The following CPT1C variants were observed in gnomAD, a reference collection of about 807,000 sequenced individuals.
CPT1C encodes the protein palmitoyl thioesterase CPT1C.
CPT1C carries 61 observed loss-of-function variants against 97.3 expected under a neutral mutation model. The ratio of observed to expected loss-of-function variants is 0.63; its 90% CI spans 0.51 to 0.78. CPT1C has a LOEUF of 0.78. Ranked by LOEUF, CPT1C falls within the 30% of genes least tolerant of loss-of-function variation. The probability of loss-of-function intolerance (pLI) is 0.00; values close to 1 mark genes in which losing one functional copy is unlikely to be tolerated. For missense variants in CPT1C, 975 were observed against 1,065.5 expected, an observed-to-expected ratio of 0.92 and a Z score of 1.18; for synonymous variants, 469 against 447.2, an observed-to-expected ratio of 1.05 and a Z score of -0.61.
rs139912875 is a variant in CPT1C, at chr19:49,706,816, C to T, written c.1343+403C>T. ...GAACTTGAACCATTCAATCCTCAGG[C>T]CTTAATGCAGGCACCCCAAATCCAT... On this transcript the variant is annotated intron_variant, in intron 12 of 19. Transcript: ENST00000598293. This position sits in a 1 kb window ranked among gnomAD's most constrained non-coding sequence, Gnocchi z 4.8. Among the ~76,000 whole-genome samples, 1 of 152,118 alleles carries T rather than the reference C, an allele frequency of 6.6e-6. No homozygotes were observed. Among genetic ancestry groups the T allele is most frequent in the African/African-American group, 2.4e-5 (1 of 41,424 alleles).
At chr19:49,701,182 T>G in intron 5 of CPT1C, 135 bp from the exon 6 acceptor site, 2 of 602,716 alleles carry the variant, frequency 3.3e-6, no homozygotes, top group East Asian at 3.0e-5. Context: ...CTCTGTTCCT[T>G]TCTCTCTTGG....
In CPT1C at chr19:49,700,786, G is replaced by C. The variant is rs144355056; in HGVS notation, c.384G>C (p.Leu128=). 1.2e-6 allele frequency: 2 copies of C among 1,613,264 alleles called. No individual in the cohort carries two copies. The highest frequency in any genetic ancestry group is 2.7e-5 in the African/African-American group (2 of 74,934). Residue 128 remains leucine, a synonymous_variant, in exon 5 of 20, where the codon CTG becomes CTC. Transcript: ENST00000598293. ...TCACACTGCACGTGGCCCTGAGGCT[G>C]CTTCTGTCCTACCACGGCTGGCTTC... ...LIFTLHVALR[L]LLSYHGWLLE...
chr19:49,712,678 G>T (rs553967969), intron 17 of CPT1C, 58 bp from the exon 18 acceptor site: 5 of 1,312,966 alleles, frequency 3.8e-6, no homozygotes, highest in Non-Finnish European at 5.5e-6. Flanking sequence ...GTGAAGTGGA[G>T]CCAAGGGCCG....
Position 49,710,800 on chromosome 19 carries a change from G to A in CPT1C, c.1809G>A (p.Arg603=). The A allele has an allele frequency of 6.2e-7, 1 of 1,614,082 alleles. No individual in the cohort carries two copies. Among genetic ancestry groups the A allele is most frequent in the South Asian group, 1.1e-5 (1 of 91,088 alleles). ...TGGAAGGCCGGACGGAGACGGTGCGGTCTTGCACGAGGGAGGCCTGCAACT... is the reference window on the plus strand; with the variant it reads ...TGGAAGGCCGGACGGAGACGGTGCGATCTTGCACGAGGGAGGCCTGCAACT... The part of the protein sequence containing the change: ...LFLEGRTETV[R]SCTREACNFV... The change falls in exon 16 of 20, where the codon CGG becomes CGA. Residue 603 remains arginine, a synonymous_variant. Coordinates refer to ENST00000598293, the MANE Select transcript of CPT1C (RefSeq NM_001199753.2).
At chr19:49,708,936 C>A (rs2083673910) in intron 14 of CPT1C, 97 bp downstream of exon 14, 1 of 764,340 alleles carries the variant, frequency 1.3e-6, no homozygotes, top group Non-Finnish European at 2.2e-6. Flanking sequence ...GAAAATCAAC[C>A]CCATTCCTAC....
rs1429813435 is a variant in CPT1C, at chr19:49,712,828, C to T, written c.2112C>T (p.Ser704=). The part of the protein sequence containing the change: ...FDVHNYPDYV[S]SGGGFGPADD... ...TCCACAATTACCCGGACTATGTTTC[C>T]TCAGGCGGTGGATTCGGGCCTGTGA... The change falls in exon 18 of 20, where the codon TCC becomes TCT. Residue 704 remains serine, a synonymous_variant. Coordinates refer to ENST00000598293, the MANE Select transcript of CPT1C (RefSeq NM_001199753.2). 12 of 1,608,142 alleles carry T rather than the reference C, an allele frequency of 7.5e-6. No homozygotes were observed. The highest frequency in any genetic ancestry group is 1.0e-5 in the Non-Finnish European group (12 of 1,178,856).
At chr19:49,694,170 G>A (rs897253393) in intron 3 of CPT1C, among the ~76,000 whole-genome samples, 4 of 151,962 alleles carry the variant, frequency 2.6e-5, no homozygotes, top group Non-Finnish European at 4.4e-5. Flanking sequence ...TCGAGTTGGG[G>A]GAGAAGGCAA....
chr19:49,706,264 G>C lies in CPT1C; in HGVS notation c.1194G>C (p.Lys398Asn), dbSNP rs1445732470. ...GTWAQVRTSL[K>N]TQAAEALEAV... The stretch of plus-strand genomic sequence containing the variant: ...GGGCCCAGGTGCGGACATCCCTGAA[G>C]ACCCAGGCAGCGGAGGCCCTGGAGG... Residue 398 changes from lysine (K) to asparagine (N), a missense_variant, in exon 12 of 20, where the codon AAG becomes AAC. This residue lies in a region of CPT1C where 596 missense variants were observed against 603.1 expected (regional missense o/e 0.99). Transcript: ENST00000598293. The surrounding 1 kb of genome is among the most constrained non-coding windows in gnomAD (Gnocchi z 4.8). The C allele has an allele frequency of 3.2e-6, 5 of 1,541,058 alleles. No homozygotes were observed. In the East Asian group the frequency reaches 1.2e-4, roughly 36 times the overall value.
At chr19:49,712,888 G>C (rs377620858) in intron 18 of CPT1C, 39 bp downstream of exon 18, 2 of 1,595,824 alleles carry the variant, frequency 1.3e-6, no homozygotes, top group South Asian at 1.1e-5. Context: ...AGAGGAAAGA[G>C]GGGGCTGGGG....
Position 49,710,794 on chromosome 19 carries a change from G to A in CPT1C, c.1803G>A (p.Thr601=), listed in dbSNP as rs367578193. 393 of 1,613,938 alleles carry A rather than the reference G, an allele frequency of 2.4e-4. No individual in the cohort carries two copies. The highest frequency in any genetic ancestry group is 3.1e-4 in the Non-Finnish European group (368 of 1,179,964). Residue 601 remains threonine (T), a synonymous_variant, in exon 16 of 20, where the codon ACG becomes ACA. Transcript: ENST00000598293. ...TATTCCTGGAAGGCCGGACGGAGAC[G>A]GTGCGGTCTTGCACGAGGGAGGCCT... The part of the protein sequence containing the change: ...TRLFLEGRTE[T]VRSCTREACN...
intron 2 of CPT1C, 106 bp from the exon 3 acceptor site, chr19:49,692,133 G>A: frequency 8.0e-7 from 1 of 1,244,012 alleles, no homozygotes. Flanking sequence ...GAGGGACTGG[G>A]GCCTGGACTC....
Position 49,706,668 on chromosome 19 carries a change from C to T in CPT1C, c.1343+255C>T, listed in dbSNP as rs2123427174. On this transcript the variant is annotated intron_variant, in intron 12 of 19. Transcript: ENST00000598293. The surrounding 1 kb of genome is among the most constrained non-coding windows in gnomAD (Gnocchi z 4.8). ...ACCCCCAAATCTGAGACTCCCAAAC[C>T]CCTGAGCTGGACCCTCCGACCCAGA... Among the ~76,000 whole-genome samples the T allele has an allele frequency of 6.6e-6, 1 of 152,202 alleles. No homozygotes were observed. Among genetic ancestry groups the T allele is most frequent in the African/African-American group, 2.4e-5 (1 of 41,518 alleles).
chr19:49,696,877 C>A (rs975606922), intron 3 of CPT1C, among the ~76,000 whole-genome samples: 1 of 151,956 alleles, frequency 6.6e-6, no homozygotes, highest in African/African-American at 2.4e-5. Flanking sequence ...AGTGATCCGC[C>A]TGCCTCAGCC....
rs903998196 is a variant in CPT1C, at chr19:49,705,025, C to A, written c.790C>A (p.Pro264Thr). 2 of 1,603,532 alleles carry A rather than the reference C, an allele frequency of 1.2e-6. No individual in the cohort carries two copies. Among genetic ancestry groups the A allele is most frequent in the African/African-American group, 2.7e-5 (2 of 74,698 alleles). The change falls in exon 9 of 20, where the codon CCC becomes ACC. Residue 264 changes from proline (P) to threonine (T), a missense_variant. This residue lies in a region of CPT1C where 596 missense variants were observed against 603.1 expected (regional missense o/e 0.99). Transcript: ENST00000598293. ...YYMMDFLYVTPTPLQAARAGN... is the reference protein window; with the variant it reads ...YYMMDFLYVTTTPLQAARAGN... ...TCCCCAGGACTTCCTGTATGTCACA[C>A]CCACGCCTCTGCAGGCAGCTCGCGC...
intron 7 of CPT1C, among the ~76,000 whole-genome samples, chr19:49,703,258 G>A (rs892280609): frequency 6.7e-6 from 1 of 149,866 alleles, no homozygotes; most frequent in Non-Finnish European, 1.5e-5. Flanking sequence ...CGCCCAGGCT[G>A]TAGTGCACTG....
rs2083429000 is a variant in CPT1C, at chr19:49,705,124, C to A, written c.879+10C>A. On this transcript the variant is annotated intron_variant, in intron 9 of 19. Coordinates refer to ENST00000598293, the MANE Select transcript of CPT1C (RefSeq NM_001199753.2). ...CCAGGAGATACCCCCGGTGAGAGGG[C>A]CCCAGTGGGTTAGGGATGGAGGTGT... The A allele has an allele frequency of 6.2e-7, 1 of 1,613,442 alleles. No individual in the cohort carries two copies. The highest frequency in any genetic ancestry group is 8.5e-7 in the Non-Finnish European group (1 of 1,179,380).
intron 3 of CPT1C, among the ~76,000 whole-genome samples, chr19:49,695,073 G>A (rs1420518970): frequency 1.3e-5 from 2 of 150,714 alleles, no homozygotes; most frequent in Admixed American, 6.6e-5. Context: ...CCCAGGAGGC[G>A]GAGCTTGCAG....
At position 49,712,793 on chromosome 19, in the gene CPT1C, CT is replaced by C; in HGVS notation, c.2078del (p.Leu693ArgfsTer36). On this transcript the variant is annotated frameshift_variant, in exon 18 of 20. Transcript: ENST00000598293. LOFTEE classifies it high-confidence loss of function. The part of the protein sequence containing the change: ...TSQIPVQQMH[L>X]FDVHNYPDYV... ...CCAGATCCCTGTTCAGCAAATGCAT[CT>C]GTTTGACGTCCACAATTACCCGGAC... 6.2e-7 allele frequency: 1 copy of C among 1,614,052 alleles called. No homozygotes were observed. The highest frequency in any genetic ancestry group is 8.5e-7 in the Non-Finnish European group (1 of 1,180,008).
Position 49,702,048 on chromosome 19 carries a change from AATT to A in CPT1C, c.693+417_693+419del, listed in dbSNP as rs1300932344. Among the ~76,000 whole-genome samples, 3 of 82,732 alleles carry A rather than the reference AATT, an allele frequency of 3.6e-5. 1 individual carries two copies. Among genetic ancestry groups the A allele is most frequent in the African/African-American group, 2.2e-4 (3 of 13,492 alleles). 54.3% of individuals were successfully genotyped at this position (82,732 alleles called of 152,430 possible). On this transcript the variant is annotated intron_variant, in intron 7 of 19. Coordinates refer to ENST00000598293, the MANE Select transcript of CPT1C (RefSeq NM_001199753.2). The stretch of plus-strand genomic sequence containing the variant: ...AATTATAAATATATATTTATTTATA[AATT>A]ATAAATATATATTTATTTATAAATT...
Sources: allele counts gnomAD v4.1 joint callset (sites outside exome capture counted in the v4.1 genomes callset), GRCh38; gene constraint gnomAD v4.1.1; regional missense constraint gnomAD v4.1.1; non-coding constraint Gnocchi (gnomAD v3.1); transcripts MANE v1.5; gene names NCBI Gene and HGNC (gene_info 2026-07-23, HGNC 2026-07-21).